Variants in MOCOS observed in about 807,000 individuals in gnomAD.
MOCOS encodes molybdenum cofactor sulfurase, also known as human molybdenum cofactor sulfurase.
Under a neutral mutation model 83.6 loss-of-function variants are expected in MOCOS, and 86 were observed. The ratio of observed to expected loss-of-function variants is 1.03; its 90% confidence interval spans 0.86 to 1.23. The LOEUF (loss-of-function observed/expected upper bound fraction) is 1.23. Ranked by LOEUF, MOCOS falls within the 50% of genes most tolerant of loss-of-function variation. The pLI is 0.00. For synonymous variants in MOCOS, 445 were observed against 434.7 expected (o/e 1.02, Z -0.29); for missense variants, 1,120 against 1,126.9 (o/e 0.99, Z 0.09).
chr18:36,266,686 C>A, intron 13 of MOCOS, 63 bp from the exon 14 acceptor site: 3 of 1,407,326 alleles, frequency 2.1e-6, no homozygotes, highest in South Asian at 1.2e-5. Context: ...TGATTCCTCC[C>A]TCTGAGGTGC....
At chr18:36,226,722 T>G (rs543066544) in intron 9 of MOCOS, among the ~76,000 whole-genome samples, 2,291 of 151,218 alleles carry the variant, frequency 0.015, 59 homozygotes, top group African/African-American at 0.053. Flanking sequence ...TTCTTTTTTT[T>G]TTTGGTGTGT....
intron 13 of MOCOS, among the ~76,000 whole-genome samples, chr18:36,264,754 C>T (rs1663196549): frequency 6.6e-6 from 1 of 151,890 alleles, no homozygotes; most frequent in African/African-American, 2.4e-5. Flanking sequence ...GTACCCAGTG[C>T]AGAATGTGAG....
chr18:36,208,042 GAAT>G (rs1240452212), intron 6 of MOCOS, among the ~76,000 whole-genome samples: 1 of 152,050 alleles, frequency 6.6e-6, no homozygotes, highest in East Asian at 1.9e-4. Context: ...ACCATTTATT[GAAT>G]AGGGAGTCTT....
intron 11 of MOCOS, among the ~76,000 whole-genome samples, chr18:36,255,218 G>T (rs1002262521): frequency 6.6e-6 from 1 of 152,088 alleles, no homozygotes; most frequent in Non-Finnish European, 1.5e-5. Flanking sequence ...CTCAGCCTCG[G>T]GTCTCTTCTG....
rs2091346766 is a variant in MOCOS, at chr18:36,187,681, G to A, written c.142G>A (p.Gly48Arg). 5 of 1,265,586 alleles carry A rather than the reference G, an allele frequency of 4.0e-6. No homozygotes were observed. Among genetic ancestry groups the A allele is most frequent in the Middle Eastern group, 2.1e-4 (1 of 4,736 alleles). The allele number at this position is 1,265,586 out of a possible 1,614,324, so 78.4% of individuals were successfully genotyped here. Residue 48 changes from glycine to arginine, a missense_variant and splice_region_variant, in exon 1 of 15, where the codon GGA becomes AGA. Gly to Arg is a moderately radical substitution (Grantham distance 125). Coordinates refer to ENST00000261326, the MANE Select transcript of MOCOS (RefSeq NM_017947.4). ...GGCGCGCGAGTTCAGCCGCCTGGCA[G>A]GTGAGGCGGGCGGGCAGGCTTGGGG... ...LRAREFSRLA[G>R]TVYLDHAGAT...
intron 13 of MOCOS, among the ~76,000 whole-genome samples, chr18:36,263,427 T>C (rs928159306): frequency 2.0e-5 from 3 of 152,158 alleles, no homozygotes; most frequent in African/African-American, 4.8e-5. Flanking sequence ...AGGCCATCCA[T>C]TGTGAAAATT....
chr18:36,230,010 T>C (rs1175116137), intron 9 of MOCOS, among the ~76,000 whole-genome samples: 3 of 152,154 alleles, frequency 2.0e-5, no homozygotes. Flanking sequence ...GAAATTTATC[T>C]TGTTCTTTTG....
In MOCOS at chr18:36,270,492, A is replaced by G. The variant is rs2091695733; in HGVS notation, c.*1807A>G. On this transcript the variant is annotated 3_prime_UTR_variant, in exon 15 of 15. Coordinates refer to ENST00000261326, the MANE Select transcript of MOCOS (RefSeq NM_017947.4). ...CACTTTGGGAGGCTGACGTGGGCAG[A>G]TCATGAGGTCAGGAGATCGAGACCA... is the stretch of plus-strand genomic sequence containing the variant. 1 of 152,102 alleles carries G rather than the reference A, an allele frequency of 6.6e-6. No homozygotes were observed. The highest frequency in any genetic ancestry group is 2.4e-5 in the African/African-American group (1 of 41,432). 9.4% of individuals were successfully genotyped at this position (152,102 alleles called of 1,614,324 possible). A position where few individuals can be genotyped will look rare whatever the true frequency, so the allele number is the denominator to read the frequency against.
intron 11 of MOCOS, chr18:36,256,742 G>T (rs1005026890): frequency 8.4e-6 from 4 of 476,942 alleles, no homozygotes; most frequent in Non-Finnish European, 1.5e-5. Flanking sequence ...AGCCCTTATT[G>T]TTATTTTCTC....
chr18:36,215,371 T>G, intron 7 of MOCOS, 145 bp from the exon 8 acceptor site: 1 of 800,130 alleles, frequency 1.2e-6, no homozygotes, highest in Non-Finnish European at 2.1e-6. Context: ...CTGAACTATG[T>G]CCCAGACGCA....
At chr18:36,259,929 G>A in intron 12 of MOCOS, 108 bp from the exon 13 acceptor site, 1 of 1,456,522 alleles carries the variant, frequency 6.9e-7, no homozygotes, top group South Asian at 1.1e-5. Flanking sequence ...ACAGGCCACA[G>A]TAGAGCTGAT....
In MOCOS at chr18:36,251,220, C is replaced by T; in HGVS notation, c.2101C>T (p.Pro701Ser). 1 of 1,613,898 alleles carries T rather than the reference C, an allele frequency of 6.2e-7. No individual in the cohort carries two copies. Among genetic ancestry groups the T allele is most frequent in the Non-Finnish European group, 8.5e-7 (1 of 1,179,842 alleles). ...CTGGTTGTCAACATTTTTTGGCCGT[C>T]CTTGTCATTTGATCAAACAAAGTTC... Reference protein sequence around the residue: ...SSWLSTFFGRPCHLIKQSSNS... With the variant: ...SSWLSTFFGRSCHLIKQSSNS... The change falls in exon 11 of 15, where the codon CCT (proline) becomes TCT (serine). Residue 701 changes from proline (P) to serine (S), a missense_variant. Pro to Ser is a moderately conservative substitution (Grantham distance 74). Coordinates refer to ENST00000261326, the MANE Select transcript of MOCOS (RefSeq NM_017947.4).
At chr18:36,265,754 T>G (rs899707006) in intron 13 of MOCOS, among the ~76,000 whole-genome samples, 2 of 152,030 alleles carry the variant, frequency 1.3e-5, no homozygotes, top group Non-Finnish European at 2.9e-5. Context: ...TATATATATA[T>G]ATATATGCAT....
chr18:36,256,928 G>A (rs1298689029), intron 11 of MOCOS, 40 bp from the exon 12 acceptor site: 2 of 1,527,476 alleles, frequency 1.3e-6, no homozygotes, highest in Non-Finnish European at 1.8e-6. Flanking sequence ...CTGGCATTCT[G>A]AGAAAGCAAC....
At chr18:36,232,855 TAC>T (rs71168208) in intron 9 of MOCOS, among the ~76,000 whole-genome samples, 15,047 of 147,836 alleles carry the variant, frequency 0.1, 2,014 homozygotes, top group African/African-American at 0.31. Context: ...AATATTCCAT[TAC>T]ACACACACAC....
chr18:36,271,705 G>T lies in MOCOS; in HGVS notation c.*3020G>T, dbSNP rs979151571. On this transcript the variant is annotated 3_prime_UTR_variant, in exon 15 of 15. Transcript: ENST00000261326. ...TTGTCTTTCTGGGCATTCGCGTCAT[G>T]GTCCTTTTAGCCAGAAGAGAGGTTT... is the stretch of plus-strand genomic sequence containing the variant. 2 of 152,162 alleles carry T rather than the reference G, an allele frequency of 1.3e-5. No individual in the cohort carries two copies. Among genetic ancestry groups the T allele is most frequent in the East Asian group, 3.9e-4 (2 of 5,188 alleles). 9.4% of individuals were successfully genotyped at this position (152,162 alleles called of 1,614,324 possible). A position where few individuals can be genotyped will look rare whatever the true frequency, so the allele number is the denominator to read the frequency against.
chr18:36,190,502 C>G (rs1479842545), intron 1 of MOCOS, among the ~76,000 whole-genome samples: 1 of 152,112 alleles, frequency 6.6e-6, no homozygotes. Flanking sequence ...GTAATCCTAG[C>G]ACTTGGGAGG....
intron 1 of MOCOS, among the ~76,000 whole-genome samples, chr18:36,188,131 A>G (rs1457273096): frequency 4.0e-5 from 6 of 151,398 alleles, no homozygotes; most frequent in African/African-American, 1.2e-4. Flanking sequence ...ACGGCGCGCC[A>G]GGTTGGGACC....
intron 9 of MOCOS, among the ~76,000 whole-genome samples, chr18:36,241,295 T>C (rs917172226): frequency 2.0e-5 from 3 of 152,160 alleles, no homozygotes; most frequent in Non-Finnish European, 4.4e-5. Context: ...TTCCAAGATA[T>C]AATGGGGTAC....
Sources: allele counts gnomAD v4.1 joint callset (sites outside exome capture counted in the v4.1 genomes callset), GRCh38; gene constraint gnomAD v4.1.1; transcripts MANE v1.5; gene names NCBI Gene and HGNC (gene_info 2026-07-23, HGNC 2026-07-21).